The following SH3RF3 variants were observed in gnomAD, a reference collection of about 807,000 sequenced individuals.
SH3RF3 encodes the protein SH3 domain containing ring finger 3.
A neutral mutation model predicts 66.3 loss-of-function variants in SH3RF3; 29 were observed. That is an observed-to-expected ratio of 0.44 (90% CI 0.33 to 0.60). The LOEUF (loss-of-function observed/expected upper bound fraction) is 0.60, where lower values mean the gene tolerates loss of function less well. Among genes scored for constraint, SH3RF3 ranks in the 20% least tolerant of loss-of-function variants. The pLI, the probability that SH3RF3 is intolerant of heterozygous loss-of-function variation, is 0.04. For missense variants in SH3RF3, 1,194 were observed against 1,190.9 expected (o/e 1.00, Z -0.04); for synonymous variants, 583 against 532.0 (o/e 1.10, Z -1.32).
chr2:109,143,810 A>ACT (rs1491516453), intron 1 of SH3RF3, among the ~76,000 whole-genome samples: 1 of 21,078 alleles, frequency 4.7e-5, no homozygotes, highest in Non-Finnish European at 4.7e-4. Flanking sequence ...TGTGCTGTAT[A>ACT]CACACACACA....
chr2:109,243,889 G>A (rs540872282), intron 1 of SH3RF3, among the ~76,000 whole-genome samples: 3 of 152,316 alleles, frequency 2.0e-5, no homozygotes, highest in African/African-American at 7.2e-5. Flanking sequence ...AAATAGATGA[G>A]TGAGTAGTGA....
chr2:109,210,753 T>C (rs2115899), intron 1 of SH3RF3, among the ~76,000 whole-genome samples: 65,641 of 152,040 alleles, frequency 0.43, 17,002 homozygotes, highest in East Asian at 0.8. Flanking sequence ...AAGGGAGAAA[T>C]GCTGTGAATT....
chr2:109,219,950 A>T (rs1037491213), intron 1 of SH3RF3, among the ~76,000 whole-genome samples: 1 of 152,240 alleles, frequency 6.6e-6, no homozygotes, highest in South Asian at 2.1e-4. Flanking sequence ...TGGAATCTCA[A>T]GGGACCCCAA....
At chr2:109,368,912 G>A (rs999950272) in intron 2 of SH3RF3, among the ~76,000 whole-genome samples, 2 of 151,494 alleles carry the variant, frequency 1.3e-5, no homozygotes, top group African/African-American at 2.4e-5. Context: ...AGGCTGATCT[G>A]AGCTGGGCCA....
chr2:109,444,588 T>C (rs371825359), intron 7 of SH3RF3, among the ~76,000 whole-genome samples: 1 of 152,220 alleles, frequency 6.6e-6, no homozygotes, highest in East Asian at 1.9e-4. Context: ...ACCCTGGTCA[T>C]GGTGCTGAGT....
chr2:109,257,075 G>A (rs992847928), intron 1 of SH3RF3, among the ~76,000 whole-genome samples: 1 of 152,152 alleles, frequency 6.6e-6, no homozygotes, highest in African/African-American at 2.4e-5. Context: ...GGGGCACCGT[G>A]TATTTCAGTG....
Position 109,347,897 on chromosome 2 carries a change from A to T in SH3RF3, c.797A>T (p.Asp266Val). ...HAPPQGKALY[D>V]FEMKDKDQDK... ...CCGCCCCAGGGAAAAGCACTTTATGATTTCGAGATGAAGGACAAAGACCAA... is the reference window on the plus strand; with the variant it reads ...CCGCCCCAGGGAAAAGCACTTTATGTTTTCGAGATGAAGGACAAAGACCAA... Residue 266 changes from aspartate (D) to valine (V), a missense_variant, in exon 2 of 10, where the codon GAT becomes GTT. Transcript: ENST00000309415. The T allele has an allele frequency of 6.2e-7, 1 of 1,611,654 alleles. No individual in the cohort carries two copies. Among genetic ancestry groups the T allele is most frequent in the Non-Finnish European group, 8.5e-7 (1 of 1,178,984 alleles).
intron 2 of SH3RF3, among the ~76,000 whole-genome samples, chr2:109,361,575 G>A (rs912199866): frequency 2.6e-5 from 4 of 152,132 alleles, no homozygotes; most frequent in Non-Finnish European, 5.9e-5. Context: ...CCTGGTCCAA[G>A]CAATTCTCCT....
intron 3 of SH3RF3, among the ~76,000 whole-genome samples, chr2:109,396,870 A>C (rs1676162520): frequency 6.6e-6 from 1 of 152,078 alleles, no homozygotes; most frequent in Non-Finnish European, 1.5e-5. Flanking sequence ...ATGGTCCTTC[A>C]CTTGCCTGCT....
intron 2 of SH3RF3, among the ~76,000 whole-genome samples, chr2:109,369,976 T>G (rs1198708538): frequency 6.6e-6 from 1 of 152,186 alleles, no homozygotes; most frequent in African/African-American, 2.4e-5. Flanking sequence ...CATGAGGCCA[T>G]CTCTTGGCCA....
intron 9 of SH3RF3, among the ~76,000 whole-genome samples, chr2:109,499,822 T>C (rs1224889223): frequency 6.6e-6 from 1 of 152,078 alleles, no homozygotes; most frequent in Non-Finnish European, 1.5e-5. Context: ...CTAGTGAAAG[T>C]AGTCAGACAG....
At chr2:109,324,271 T>A (rs1446344916) in intron 1 of SH3RF3, among the ~76,000 whole-genome samples, 1 of 152,202 alleles carries the variant, frequency 6.6e-6, no homozygotes, top group Non-Finnish European at 1.5e-5. Context: ...CTGTGACTAT[T>A]GATGTACAAG....
chr2:109,290,644 C>T (rs1290288650), intron 1 of SH3RF3, among the ~76,000 whole-genome samples: 2 of 152,242 alleles, frequency 1.3e-5, no homozygotes, highest in East Asian at 3.9e-4. Flanking sequence ...CTCAGACGCC[C>T]TCCCTCCCTG....
chr2:109,454,690 TAGGATAGATCTTC>T (rs1417539165), intron 8 of SH3RF3, among the ~76,000 whole-genome samples: 1 of 152,022 alleles, frequency 6.6e-6, no homozygotes, highest in East Asian at 1.9e-4. Context: ...TGAAACAGGG[TAGGATAGATCTTC>T]ATGGTGAGCA....
At chr2:109,379,264 G>A (rs1179414061) in intron 3 of SH3RF3, among the ~76,000 whole-genome samples, 1 of 152,190 alleles carries the variant, frequency 6.6e-6, no homozygotes, top group Non-Finnish European at 1.5e-5. Flanking sequence ...AGGGTCAGAG[G>A]TTCCCCAGGG....
chr2:109,259,527 C>T (rs1410563750), intron 1 of SH3RF3, among the ~76,000 whole-genome samples: 1 of 152,180 alleles, frequency 6.6e-6, no homozygotes, highest in Non-Finnish European at 1.5e-5. Context: ...TCTCCGGGGC[C>T]CTTCATGCCT....
At chr2:109,371,772 T>C (rs1249907894) in intron 3 of SH3RF3, 91 bp downstream of exon 3, 2 of 1,082,548 alleles carry the variant, frequency 1.8e-6, no homozygotes, top group Admixed American at 4.1e-5. Flanking sequence ...GCCCCTTTTC[T>C]AAGAGAGAAA....
intron 1 of SH3RF3, among the ~76,000 whole-genome samples, chr2:109,241,976 C>G (rs1393350593): frequency 1.3e-5 from 2 of 151,970 alleles, no homozygotes; most frequent in African/African-American, 4.8e-5. Flanking sequence ...TGGTGGTTTT[C>G]TTGGCCTGAC....
chr2:109,243,566 G>T (rs909951601), intron 1 of SH3RF3, among the ~76,000 whole-genome samples: 1 of 152,166 alleles, frequency 6.6e-6, no homozygotes, highest in Non-Finnish European at 1.5e-5. Context: ...ACCTATAATG[G>T]AGAATGACAG....
Sources: gnomAD v4.1 joint callset for allele counts (sites outside exome capture counted in the v4.1 genomes callset) on GRCh38, gnomAD v4.1.1 for gene constraint, MANE v1.5 for transcripts, NCBI Gene and HGNC (gene_info 2026-07-23, HGNC 2026-07-21) for gene names.